The following PDE6C variants were observed in gnomAD, a reference collection of about 807,000 sequenced individuals.
PDE6C encodes phosphodiesterase 6C, also known as cone cGMP-specific 3',5'-cyclic phosphodiesterase subunit alpha'.
A neutral mutation model predicts 113.1 loss-of-function variants in PDE6C; 75 were observed. That is an observed-to-expected ratio of 0.66 (90% CI 0.55 to 0.80). The LOEUF (loss-of-function observed/expected upper bound fraction) is 0.80. PDE6C is among the 30% of genes least tolerant of loss of function. The pLI is 0.00. For missense variants in PDE6C, 912 were observed against 1,038.6 expected (o/e 0.88, Z 1.67); for synonymous variants, 375 against 363.7 (o/e 1.03, Z -0.35).
chr10:93,660,798 T>C (rs1004240293), intron 18 of PDE6C, among the ~76,000 whole-genome samples: 4 of 152,076 alleles, frequency 2.6e-5, no homozygotes, highest in African/African-American at 9.7e-5. Context: ...AAATCATTTA[T>C]ATCAGCCTCG....
Position 93,621,924 on chromosome 10 carries a change from A to G in PDE6C, c.724-8A>G. 1 of 1,613,162 alleles carries G rather than the reference A, an allele frequency of 6.2e-7. No homozygotes were observed. Among genetic ancestry groups the G allele is most frequent in the Non-Finnish European group, 8.5e-7 (1 of 1,179,644 alleles). On this transcript the variant is annotated splice_polypyrimidine_tract_variant and splice_region_variant and intron_variant, in intron 3 of 21. Transcript: ENST00000371447. ...TCTAACTGTTTTCTTTTTGATACCT[A>G]CTTTCAGATCCTTATGTGGTCAGCC...
At chr10:93,627,002 C>G (rs1003979169) in intron 7 of PDE6C, 131 bp downstream of exon 7, 1 of 775,872 alleles carries the variant, frequency 1.3e-6, no homozygotes, top group Non-Finnish European at 2.2e-6. Flanking sequence ...GTGGCTCATG[C>G]CTGTAATCCC....
At chr10:93,640,678 C>T in intron 13 of PDE6C, 121 bp downstream of exon 13, 1 of 793,796 alleles carries the variant, frequency 1.3e-6, no homozygotes, top group South Asian at 1.4e-5. Flanking sequence ...ACAAACCCCT[C>T]TCCGCTGCAG....
intron 16 of PDE6C, among the ~76,000 whole-genome samples, chr10:93,656,340 A>C (rs533824962): frequency 1.3e-5 from 2 of 152,252 alleles, no homozygotes; most frequent in African/African-American, 4.8e-5. Flanking sequence ...AAACTTACAA[A>C]ACTGAGTCAT....
chr10:93,661,745 G>A (rs762477052), intron 18 of PDE6C, among the ~76,000 whole-genome samples: 1 of 152,174 alleles, frequency 6.6e-6, no homozygotes, highest in African/African-American at 2.4e-5. Flanking sequence ...AACAACCGGC[G>A]AAGTGTTAGA....
chr10:93,640,547 C>A lies in PDE6C; in HGVS notation c.1727C>A (p.Thr576Asn), dbSNP rs775494689. 1 of 1,609,040 alleles carries A rather than the reference C, an allele frequency of 6.2e-7. No homozygotes were observed. ...TTCAACGTGGGGCAGACCATGTTTA[C>A]TTTGCTGATGGTAGGTACAGAGGGC... ...HGFNVGQTMF[T>N]LLMTGRLKKY... The change falls in exon 13 of 22, where the codon ACT becomes AAT. Residue 576 changes from threonine to asparagine, a missense_variant. Physicochemically the swap from Thr to Asn is moderately conservative, Grantham distance 65. Coordinates refer to ENST00000371447, the MANE Select transcript of PDE6C (RefSeq NM_006204.4).
intron 15 of PDE6C, among the ~76,000 whole-genome samples, chr10:93,654,802 CTTTCT>C: frequency 1.2e-5 from 1 of 82,674 alleles, no homozygotes; most frequent in African/African-American, 4.6e-5. Flanking sequence ...TTCTTTCTTT[CTTTCT>C]TTCTTTTTTT....
chr10:93,624,664 C>T (rs2058463783), intron 4 of PDE6C, among the ~76,000 whole-genome samples: 1 of 152,136 alleles, frequency 6.6e-6, no homozygotes, highest in East Asian at 1.9e-4. Context: ...GACTTTGTAG[C>T]TGAGTATGTT....
intron 15 of PDE6C, among the ~76,000 whole-genome samples, chr10:93,651,633 G>A (rs771569473): frequency 4.6e-5 from 7 of 152,160 alleles, no homozygotes; most frequent in Non-Finnish European, 1.0e-4. Context: ...GGGACACAGA[G>A]CCATATCAAC....
At chr10:93,651,573 G>T (rs540593698) in intron 15 of PDE6C, among the ~76,000 whole-genome samples, 6 of 152,280 alleles carry the variant, frequency 3.9e-5, no homozygotes, top group African/African-American at 1.4e-4. Context: ...CCTCCTTCCA[G>T]GTTCCTCCCT....
intron 1 of PDE6C, among the ~76,000 whole-genome samples, chr10:93,613,512 C>G (rs1044472241): frequency 1.3e-5 from 2 of 152,202 alleles, no homozygotes; most frequent in African/African-American, 4.8e-5. Context: ...CACACACCCT[C>G]CCTTACGCCT....
chr10:93,637,045 A>T lies in PDE6C; in HGVS notation c.1464A>T (p.Lys488Asn), dbSNP rs761486573. ...ATGTAATTGACGACTGTGAAGAAAA[A>T]CAACTTGTTGCAATTTTGGTAAGTG... ...NVDVIDDCEE[K>N]QLVAILKEDL... The change falls in exon 11 of 22, where the codon AAA becomes AAT. Residue 488 changes from lysine to asparagine, a missense_variant. By Grantham distance (94) the Lys-to-Asn change is moderately conservative. Coordinates refer to ENST00000371447, the MANE Select transcript of PDE6C (RefSeq NM_006204.4). 6.2e-6 allele frequency: 10 copies of T among 1,601,062 alleles called. No homozygotes were observed. The highest frequency in any genetic ancestry group is 1.3e-5 in the African/African-American group (1 of 74,802).
intron 14 of PDE6C, among the ~76,000 whole-genome samples, chr10:93,642,863 T>A (rs2058566683): frequency 6.6e-6 from 1 of 152,178 alleles, no homozygotes; most frequent in Non-Finnish European, 1.5e-5. Flanking sequence ...TTAGGCTTTG[T>A]CTTGAAAAGA....
At position 93,620,687 on chromosome 10, in the gene PDE6C, TGC is replaced by T; in HGVS notation, c.537_538del (p.Leu180GlyfsTer18). ...CAAACTGGGTATGTCACTAAGAACC[TGC>T]TGGCAACCCCGATCGTGGTGGGCAA... On this transcript the variant is annotated frameshift_variant, in exon 2 of 22. Transcript: ENST00000371447. LOFTEE classifies it high-confidence loss of function. 1 of 1,614,200 alleles carries T rather than the reference TGC, an allele frequency of 6.2e-7. No individual in the cohort carries two copies. Among genetic ancestry groups the T allele is most frequent in the Non-Finnish European group, 8.5e-7 (1 of 1,180,010 alleles).
At chr10:93,635,766 G>A in intron 10 of PDE6C, 126 bp downstream of exon 10, 1 of 993,610 alleles carries the variant, frequency 1.0e-6, no homozygotes, top group Non-Finnish European at 1.6e-6. Context: ...AGAGAGACAG[G>A]GAAGGAGGGG....
chr10:93,630,654 GTC>G (rs969816759), intron 8 of PDE6C, among the ~76,000 whole-genome samples: 3 of 152,040 alleles, frequency 2.0e-5, no homozygotes, highest in African/African-American at 7.2e-5. Flanking sequence ...TACCGTTGGG[GTC>G]TGTTTTTCTG....
In PDE6C at chr10:93,613,019, G is replaced by C; in HGVS notation, c.294G>C (p.Met98Ile). ...TGCTCCAGGCTGACCGCTGCAGCATGTTCCTGTGCCGGTCCCGGAACGGCA... is the reference window on the plus strand; with the variant it reads ...TGCTCCAGGCTGACCGCTGCAGCATCTTCCTGTGCCGGTCCCGGAACGGCA... ...AHLLQADRCS[M>I]FLCRSRNGIP... The change falls in exon 1 of 22, where the codon ATG becomes ATC. Residue 98 changes from methionine (M) to isoleucine (I), a missense_variant. Transcript: ENST00000371447. 1 of 1,614,212 alleles carries C rather than the reference G, an allele frequency of 6.2e-7. No individual in the cohort carries two copies. Among genetic ancestry groups the C allele is most frequent in the Non-Finnish European group, 8.5e-7 (1 of 1,180,036 alleles).
chr10:93,631,100 A>T (rs2058499506), intron 8 of PDE6C, among the ~76,000 whole-genome samples: 1 of 152,236 alleles, frequency 6.6e-6, no homozygotes, highest in South Asian at 2.1e-4. Context: ...CTCATGCTCC[A>T]CTGCAGCTAC....
chr10:93,616,644 C>G (rs775134096), intron 1 of PDE6C, among the ~76,000 whole-genome samples: 1 of 145,530 alleles, frequency 6.9e-6, no homozygotes, highest in East Asian at 2.0e-4. Flanking sequence ...AAGTTGAAGG[C>G]AGGAAGACTT....
Sources: allele counts gnomAD v4.1 joint callset (sites outside exome capture counted in the v4.1 genomes callset), GRCh38; gene constraint gnomAD v4.1.1; transcripts MANE v1.5; gene names NCBI Gene and HGNC (gene_info 2026-07-23, HGNC 2026-07-21).